FBLN5: variants seen among roughly 807,000 people sequenced by gnomAD.
The protein encoded by FBLN5 is fibulin-5.
In FBLN5, 24 loss-of-function variants were observed where a neutral mutation model predicts 61.6. That is an observed-to-expected ratio of 0.39 (90% confidence interval 0.28 to 0.55). FBLN5 has a LOEUF of 0.55. Ranked by LOEUF, FBLN5 falls within the 20% of genes least tolerant of loss-of-function variation. The probability of loss-of-function intolerance (pLI) is 0.65; values close to 1 mark genes in which losing one functional copy is unlikely to be tolerated. For missense variants in FBLN5, 470 were observed against 594.1 expected (o/e 0.79, Z 2.17); for synonymous variants, 213 against 219.8 (o/e 0.97, Z 0.27).
intron 4 of FBLN5, among the ~76,000 whole-genome samples, chr14:91,925,484 G>A (rs771429224): frequency 7.9e-5 from 12 of 152,214 alleles, no homozygotes; most frequent in African/African-American, 2.2e-4. Context: ...CAGGAGCCTC[G>A]GGATGGTTGC....
chr14:91,935,005 G>A lies in FBLN5; in HGVS notation c.379+1942C>T, dbSNP rs112087397. On this transcript the variant is annotated intron_variant, in intron 4 of 10. Coordinates refer to ENST00000342058, the MANE Select transcript of FBLN5 (RefSeq NM_006329.4). ...AAACCAGGAAACCATGGGGTGGGGT[G>A]AAGGGAAGTTAGAAAGAACTCAGGA... Among the ~76,000 whole-genome samples the A allele has an allele frequency of 5.5e-3, 836 of 152,332 alleles. 10 individuals carry two copies. Among genetic ancestry groups the A allele is most frequent in the South Asian group, 0.037 (177 of 4,830 alleles).
At chr14:91,932,178 G>A (rs182374654) in intron 4 of FBLN5, among the ~76,000 whole-genome samples, 1 of 152,310 alleles carries the variant, frequency 6.6e-6, no homozygotes, top group East Asian at 1.9e-4. Flanking sequence ...TGAGCCATGA[G>A]TCCCATCACT....
chr14:91,936,655 G>C (rs923957363), intron 4 of FBLN5, among the ~76,000 whole-genome samples: 1 of 152,148 alleles, frequency 6.6e-6, no homozygotes, highest in African/African-American at 2.4e-5. Context: ...TAAATATATA[G>C]ATGAGTTATA....
chr14:91,904,661 G>A (rs574455398), intron 4 of FBLN5, among the ~76,000 whole-genome samples: 7 of 152,336 alleles, frequency 4.6e-5, no homozygotes, highest in East Asian at 3.9e-4. Flanking sequence ...CTCACAGGGC[G>A]GAGAGAAAGC....
chr14:91,889,223 A>T (rs1889872679), intron 6 of FBLN5, among the ~76,000 whole-genome samples: 2 of 152,226 alleles, frequency 1.3e-5, no homozygotes, highest in African/African-American at 4.8e-5. Flanking sequence ...ACTGAGTGCA[A>T]GTTCAGACAG....
chr14:91,931,449 A>T (rs1197120550), intron 4 of FBLN5, among the ~76,000 whole-genome samples: 1 of 152,196 alleles, frequency 6.6e-6, no homozygotes, highest in Non-Finnish European at 1.5e-5. Context: ...CAGGAAAAAT[A>T]ACTCAAGAGA....
intron 2 of FBLN5, among the ~76,000 whole-genome samples, chr14:91,941,780 TG>T (rs11424695): frequency 5.9e-5 from 9 of 151,822 alleles, no homozygotes; most frequent in African/African-American, 1.5e-4. Context: ...ATCTGTAAAA[TG>T]GGGGGGTATG....
At position 91,947,096 on chromosome 14, in the gene FBLN5, G is replaced by T; in HGVS notation, c.17+117C>A. 1 of 1,555,830 alleles carries T rather than the reference G, an allele frequency of 6.4e-7. No individual in the cohort carries two copies. The highest frequency in any genetic ancestry group is 1.8e-5 in the Admixed American group (1 of 54,326). On this transcript the variant is annotated intron_variant, in intron 1 of 10. Coordinates refer to ENST00000342058, the MANE Select transcript of FBLN5 (RefSeq NM_006329.4). The surrounding 1 kb of genome is among the most constrained non-coding windows in gnomAD (Gnocchi z 4.3). ...CAATATCATTGCATCACTAGCTCAT[G>T]CCTTTTCCAATATCCTGACACCGCC...
At chr14:91,894,491 C>T (rs570602720) in intron 5 of FBLN5, among the ~76,000 whole-genome samples, 80 of 147,092 alleles carry the variant, frequency 5.4e-4, no homozygotes, top group African/African-American at 1.4e-3. Context: ...ACTTTTGAGG[C>T]GGGCAGATGA....
At chr14:91,912,774 C>G (rs1418531188) in intron 4 of FBLN5, among the ~76,000 whole-genome samples, 2 of 149,652 alleles carry the variant, frequency 1.3e-5, no homozygotes, top group African/African-American at 5.0e-5. Flanking sequence ...TGTACCATTG[C>G]ACTCCAGCCT....
At chr14:91,891,186 C>T in intron 6 of FBLN5, 35 bp downstream of exon 6, 2 of 1,206,470 alleles carry the variant, frequency 1.7e-6, no homozygotes, top group Non-Finnish European at 2.5e-6. Flanking sequence ...GCTAGTGTCT[C>T]ACATCATGTC....
chr14:91,888,246 C>A (rs1889819405), intron 6 of FBLN5, among the ~76,000 whole-genome samples: 1 of 151,902 alleles, frequency 6.6e-6, no homozygotes, highest in Non-Finnish European at 1.5e-5. Context: ...CTGCAGTGAG[C>A]TGAGATCATG....
intron 9 of FBLN5, among the ~76,000 whole-genome samples, chr14:91,880,086 C>T (rs1889349529): frequency 1.3e-5 from 2 of 152,202 alleles, no homozygotes; most frequent in African/African-American, 4.8e-5. Context: ...TAATATTTGC[C>T]GTCTGGTGAT....
At chr14:91,906,331 G>A (rs1453431153) in intron 4 of FBLN5, among the ~76,000 whole-genome samples, 4 of 152,114 alleles carry the variant, frequency 2.6e-5, no homozygotes, top group African/African-American at 7.2e-5. Context: ...TGGAGGCTAC[G>A]ACCCAACAGG....
rs75692037 is a variant in FBLN5, at chr14:91,909,881, A to G, written c.380-14809T>C. On this transcript the variant is annotated intron_variant, in intron 4 of 10. Transcript: ENST00000342058. ...AACAAAAAACAACAACAAAAAATAG[A>G]AAAAAACGTGTTGGTGAGGACGTGG... Among the ~76,000 whole-genome samples the G allele has an allele frequency of 5.1e-3, 772 of 152,304 alleles. 13 individuals carry two copies. Among genetic ancestry groups the G allele is most frequent in the African/African-American group, 0.017 (722 of 41,552 alleles).
chr14:91,875,381 A>T (rs1315718183), intron 10 of FBLN5, among the ~76,000 whole-genome samples: 3 of 152,134 alleles, frequency 2.0e-5, no homozygotes, highest in African/African-American at 7.2e-5. Flanking sequence ...GCCAGGATGC[A>T]GTGATACCCT....
At chr14:91,907,209 A>G (rs1210939891) in intron 4 of FBLN5, among the ~76,000 whole-genome samples, 1 of 152,176 alleles carries the variant, frequency 6.6e-6, no homozygotes, top group African/African-American at 2.4e-5. Context: ...TCATGCCTTT[A>G]AACAGAATTG....
chr14:91,882,942 G>C lies in FBLN5; in HGVS notation c.862+12C>G, dbSNP rs202088447. 11 of 1,613,292 alleles carry C rather than the reference G, an allele frequency of 6.8e-6. No individual in the cohort carries two copies. The highest frequency in any genetic ancestry group is 9.3e-6 in the Non-Finnish European group (11 of 1,179,532). ...ACATACACCCCAGCCAGGCCCCTCC[G>C]GACAGCCTTACCTTGGCAGCTTCGG... On this transcript the variant is annotated intron_variant, in intron 8 of 10. Coordinates refer to ENST00000342058, the MANE Select transcript of FBLN5 (RefSeq NM_006329.4). The surrounding 1 kb of genome is among the most constrained non-coding windows in gnomAD (Gnocchi z 4.9).
At chr14:91,875,469 T>A (rs1595291396) in intron 10 of FBLN5, among the ~76,000 whole-genome samples, 1 of 152,168 alleles carries the variant, frequency 6.6e-6, no homozygotes, top group Non-Finnish European at 1.5e-5. Context: ...GAGTAGCAGG[T>A]GACCAACCAC....
Sources: gnomAD v4.1 joint callset for allele counts (sites outside exome capture counted in the v4.1 genomes callset) on GRCh38, gnomAD v4.1.1 for gene constraint, Gnocchi (gnomAD v3.1) non-coding constraint, MANE v1.5 for transcripts, NCBI Gene and HGNC (gene_info 2026-07-23, HGNC 2026-07-21) for gene names.